DIAPH2: variants seen among roughly 807,000 people sequenced by gnomAD.
DIAPH2 encodes diaphanous related formin 2.
Under a neutral mutation model 92.7 loss-of-function variants are expected in DIAPH2, and 35 were observed. The ratio of observed to expected loss-of-function variants is 0.38; its 90% CI spans 0.29 to 0.50. The LOEUF (loss-of-function observed/expected upper bound fraction) is 0.50. DIAPH2 is among the 20% of genes least tolerant of loss of function. The pLI, the probability that DIAPH2 is intolerant of heterozygous loss-of-function variation, is 0.94. For synonymous variants in DIAPH2, 301 were observed against 280.4 expected (o/e 1.07, Z -0.73); for missense variants, 701 against 819.5 (o/e 0.86, Z 1.77).
intron 16 of DIAPH2, among the ~76,000 whole-genome samples, chrX:96,963,342 A>T (rs1569436975): frequency 9.1e-6 from 1 of 109,565 alleles, no homozygotes; most frequent in Non-Finnish European, 1.9e-5. Context: ...AAGGATGTGG[A>T]GATAGAGTAT....
chrX:97,059,602 G>A (rs936123683), intron 17 of DIAPH2, among the ~76,000 whole-genome samples: 1 of 112,130 alleles, frequency 8.9e-6, no homozygotes, highest in Non-Finnish European at 1.9e-5. Context: ...GGATTAACAC[G>A]TTTTTGTACT....
At chrX:96,979,641 G>A (rs962989488) in intron 17 of DIAPH2, among the ~76,000 whole-genome samples, 7 of 112,088 alleles carry the variant, frequency 6.2e-5, no homozygotes. Flanking sequence ...GAAGGAGGAA[G>A]CATTTCTGTT....
At chrX:97,406,242 T>C in intron 25 of DIAPH2, among the ~76,000 whole-genome samples, 1 of 111,990 alleles carries the variant, frequency 8.9e-6, no homozygotes, top group Non-Finnish European at 1.9e-5. Flanking sequence ...TTCAAATTGT[T>C]TTTTAAAAAT....
chrX:96,713,808 T>A (rs2063933405), intron 1 of DIAPH2, among the ~76,000 whole-genome samples: 1 of 111,961 alleles, frequency 8.9e-6, no homozygotes, highest in Admixed American at 9.5e-5. Flanking sequence ...GTTTTTTTCA[T>A]GGCTGGATAG....
intron 17 of DIAPH2, among the ~76,000 whole-genome samples, chrX:97,056,033 C>T (rs963501951): frequency 3.6e-5 from 4 of 111,112 alleles, no homozygotes; most frequent in Non-Finnish European, 5.7e-5. Context: ...GAGAATAGTG[C>T]TCTTATTTTT....
At chrX:97,551,718 T>C (rs182496495) in intron 26 of DIAPH2, among the ~76,000 whole-genome samples, 4 of 111,857 alleles carry the variant, frequency 3.6e-5, no homozygotes, top group African/African-American at 1.3e-4. Flanking sequence ...TCTGTAATAC[T>C]ATTTTTAGGA....
At chrX:97,563,998 G>A (rs767712602) in intron 26 of DIAPH2, among the ~76,000 whole-genome samples, 6 of 112,143 alleles carry the variant, frequency 5.4e-5, no homozygotes, top group Non-Finnish European at 1.1e-4. Context: ...TCTGATTGCT[G>A]CTTCTGTTTA....
intron 26 of DIAPH2, among the ~76,000 whole-genome samples, chrX:97,430,055 A>C (rs1440384866): frequency 8.9e-6 from 1 of 111,766 alleles, no homozygotes; most frequent in Non-Finnish European, 1.9e-5. Context: ...GTAGTTTAAA[A>C]CCATAAATGT....
chrX:97,125,471 C>CAAAAAAAAAA (rs1159049051), intron 21 of DIAPH2, among the ~76,000 whole-genome samples: 2 of 19,218 alleles, frequency 1.0e-4, no homozygotes, highest in African/African-American at 1.9e-4. Flanking sequence ...GACTCCGTCT[C>CAAAAAAAAAA]AAAAAAAAAA....
chrX:96,776,979 C>T (rs1227200101), intron 4 of DIAPH2, among the ~76,000 whole-genome samples: 1 of 111,995 alleles, frequency 8.9e-6, no homozygotes, highest in Non-Finnish European at 1.9e-5. Flanking sequence ...AGAATTCTTT[C>T]TACCACTTTT....
At chrX:96,900,638 G>A (rs7065628) in intron 5 of DIAPH2, among the ~76,000 whole-genome samples, 2,860 of 110,833 alleles carry the variant, frequency 0.026, 107 homozygotes, top group African/African-American at 0.089. Flanking sequence ...TCTGTGCCTC[G>A]GTTCTTGAGG....
chrX:97,275,561 CG>C (rs2068439781), intron 23 of DIAPH2, among the ~76,000 whole-genome samples: 1 of 97,365 alleles, frequency 1.0e-5, no homozygotes, highest in Admixed American at 1.1e-4. Flanking sequence ...ACTTCTCAGA[CG>C]GGGCGGCTGC....
chrX:96,788,748 A>T (rs2064477840), intron 4 of DIAPH2, among the ~76,000 whole-genome samples: 1 of 111,891 alleles, frequency 8.9e-6, no homozygotes, highest in Admixed American at 9.5e-5. Context: ...GGATGCGTTT[A>T]ATTTTTATAT....
intron 4 of DIAPH2, among the ~76,000 whole-genome samples, chrX:96,860,184 A>C (rs1191614438): frequency 8.9e-6 from 1 of 112,147 alleles, no homozygotes; most frequent in Non-Finnish European, 1.9e-5. Flanking sequence ...ACTTTGAATA[A>C]ATAAAAGCTA....
At chrX:97,060,667 G>C (rs765079902) in intron 17 of DIAPH2, among the ~76,000 whole-genome samples, 4 of 111,271 alleles carry the variant, frequency 3.6e-5, no homozygotes, top group Non-Finnish European at 7.5e-5. Flanking sequence ...CTAACTCTTG[G>C]CTACAAAATT....
chrX:97,103,920 C>A (rs1368924959), intron 20 of DIAPH2, among the ~76,000 whole-genome samples: 1 of 111,385 alleles, frequency 9.0e-6, no homozygotes, highest in Non-Finnish European at 1.9e-5. Context: ...TGCTTAGGAC[C>A]ATTGCACATG....
intron 26 of DIAPH2, among the ~76,000 whole-genome samples, chrX:97,498,349 C>G (rs1298487288): frequency 9.0e-6 from 1 of 111,588 alleles, no homozygotes; most frequent in Non-Finnish European, 1.9e-5. Context: ...ACATACATAT[C>G]CGTTTCTGCA....
intron 22 of DIAPH2, among the ~76,000 whole-genome samples, chrX:97,210,896 T>C (rs779243095): frequency 8.9e-6 from 1 of 112,189 alleles, no homozygotes; most frequent in African/African-American, 3.2e-5. Flanking sequence ...AGGAGCTACT[T>C]TGGGCTGGAC....
chrX:97,003,885 A>C (rs1469771547), intron 17 of DIAPH2, among the ~76,000 whole-genome samples: 2 of 111,840 alleles, frequency 1.8e-5, no homozygotes, highest in Non-Finnish European at 3.8e-5. Context: ...TGCCTAGTCC[A>C]GTGTCCTAGA....
Sources: gnomAD v4.1 joint callset for allele counts (sites outside exome capture counted in the v4.1 genomes callset) on GRCh38, gnomAD v4.1.1 for gene constraint, MANE v1.5 for transcripts, NCBI Gene and HGNC (gene_info 2026-07-23, HGNC 2026-07-21) for gene names.